The following ATXN1 variants were observed in gnomAD, a reference collection of about 807,000 sequenced individuals.
The protein encoded by ATXN1 is ataxin-1.
In ATXN1, 8 loss-of-function variants were observed where a neutral mutation model predicts 56.4. The observed-to-expected ratio is 0.14, with a 90% CI of 0.08 to 0.26. ATXN1 has a LOEUF of 0.26. Among genes scored for constraint, ATXN1 ranks in the 10% least tolerant of loss-of-function variants. ATXN1 has a pLI of 1.00. For synonymous variants in ATXN1, 514 were observed against 494.6 expected (o/e 1.04, Z -0.52); for missense variants, 987 against 1,106.5 (o/e 0.89, Z 1.53).
chr6:16,464,782 G>GTCA (rs1760069862), intron 6 of ATXN1, among the ~76,000 whole-genome samples: 1 of 151,844 alleles, frequency 6.6e-6, no homozygotes, highest in Non-Finnish European at 1.5e-5. Context: ...TTTGGGGATT[G>GTCA]GGAGGAACAA....
At chr6:16,552,802 T>A (rs1000776239) in intron 4 of ATXN1, among the ~76,000 whole-genome samples, 3 of 152,248 alleles carry the variant, frequency 2.0e-5, no homozygotes, top group Admixed American at 2.0e-4. Flanking sequence ...ATGTCAATGA[T>A]GTTCAGCTGC....
chr6:16,493,465 T>C (rs1393360741), intron 5 of ATXN1, among the ~76,000 whole-genome samples: 3 of 146,662 alleles, frequency 2.0e-5, no homozygotes, highest in Non-Finnish European at 4.5e-5. Context: ...TTTTTTTTTT[T>C]GGTTGTTTTG....
intron 4 of ATXN1, among the ~76,000 whole-genome samples, chr6:16,526,044 T>C (rs1336354533): frequency 1.1e-5 from 1 of 94,974 alleles, no homozygotes; most frequent in African/African-American, 6.1e-5. Flanking sequence ...AATAAATCTA[T>C]ATATATATAT....
intron 2 of ATXN1, among the ~76,000 whole-genome samples, chr6:16,694,091 G>T (rs985106963): frequency 4.6e-5 from 7 of 152,240 alleles, no homozygotes; most frequent in South Asian, 2.1e-4. Flanking sequence ...TGCTAAGAAT[G>T]AATTCAATTG....
intron 2 of ATXN1, among the ~76,000 whole-genome samples, chr6:16,679,050 G>T (rs1347068607): frequency 6.6e-6 from 1 of 151,424 alleles, no homozygotes; most frequent in Admixed American, 6.6e-5. Context: ...AAAAAAAAAA[G>T]AAAGGAGTGA....
intron 4 of ATXN1, among the ~76,000 whole-genome samples, chr6:16,579,522 C>T (rs1419503597): frequency 1.4e-5 from 2 of 139,116 alleles, no homozygotes; most frequent in Non-Finnish European, 1.5e-5. Flanking sequence ...AGTCCAAGGG[C>T]GTTTCACTTG....
At chr6:16,454,145 AAAAAAAAAAC>A (rs1759818262) in intron 6 of ATXN1, among the ~76,000 whole-genome samples, 1 of 124,310 alleles carries the variant, frequency 8.0e-6, no homozygotes, top group African/African-American at 2.6e-5. Flanking sequence ...AAAAAAAAAA[AAAAAAAAAAC>A]AGAAGAATTA....
chr6:16,647,359 C>T (rs1763817770), intron 3 of ATXN1, among the ~76,000 whole-genome samples: 1 of 152,156 alleles, frequency 6.6e-6, no homozygotes, highest in African/African-American at 2.4e-5. Context: ...GATTAAGTCA[C>T]TTGCTCAACA....
At chr6:16,698,939 A>G (rs1032447763) in intron 2 of ATXN1, among the ~76,000 whole-genome samples, 1 of 152,250 alleles carries the variant, frequency 6.6e-6, no homozygotes, top group East Asian at 1.9e-4. Flanking sequence ...CAACTAAGCT[A>G]ATTTTTTAAA....
chr6:16,328,368 G>A lies in ATXN1; in HGVS notation c.-58C>T. On this transcript the variant is annotated 5_prime_UTR_variant, in exon 7 of 8. Transcript: ENST00000436367. The surrounding 1 kb of genome is among the most constrained non-coding windows in gnomAD (Gnocchi z 6.2). ...CACTGTCTGGATGGCTCTGATTTTAGTCTGATAAACGGAAAGTCACATTTG... is the reference window on the plus strand; with the variant it reads ...CACTGTCTGGATGGCTCTGATTTTAATCTGATAAACGGAAAGTCACATTTG... 6.9e-7 allele frequency: 1 copy of A among 1,456,298 alleles called. No homozygotes were observed. The highest frequency in any genetic ancestry group is 9.0e-7 in the Non-Finnish European group (1 of 1,109,344). 90.2% of individuals were successfully genotyped at this position (1,456,298 alleles called of 1,614,324 possible). A position where few individuals can be genotyped will look rare whatever the true frequency, so the allele number is the denominator to read the frequency against.
intron 4 of ATXN1, among the ~76,000 whole-genome samples, chr6:16,555,740 A>G (rs1762001272): frequency 1.3e-5 from 2 of 152,230 alleles, no homozygotes; most frequent in South Asian, 4.1e-4. Flanking sequence ...AACAGGACGC[A>G]TCAGTTTCCC....
At chr6:16,445,680 C>A (rs1201477229) in intron 6 of ATXN1, among the ~76,000 whole-genome samples, 9 of 116,370 alleles carry the variant, frequency 7.7e-5, no homozygotes, top group Admixed American at 2.8e-4. Flanking sequence ...CCCCTCCCCC[C>A]ACCCCACAAC....
chr6:16,315,816 C>T (rs1416890935), intron 7 of ATXN1, among the ~76,000 whole-genome samples: 9 of 152,252 alleles, frequency 5.9e-5, no homozygotes, highest in African/African-American at 1.7e-4. Context: ...GCATGCACCA[C>T]CATGTCCAGC....
intron 7 of ATXN1, among the ~76,000 whole-genome samples, chr6:16,316,955 G>A (rs183105474): frequency 1.6e-4 from 24 of 146,384 alleles, no homozygotes; most frequent in African/African-American, 6.0e-4. Context: ...CTTTCTCCAG[G>A]GTGTGGCTTT....
intron 7 of ATXN1, among the ~76,000 whole-genome samples, chr6:16,313,470 G>T (rs1183885264): frequency 6.6e-6 from 1 of 152,104 alleles, no homozygotes; most frequent in Non-Finnish European, 1.5e-5. Context: ...ACCATAGCTA[G>T]AACAGCCTGC....
At chr6:16,594,451 C>T (rs1762778634) in intron 3 of ATXN1, among the ~76,000 whole-genome samples, 2 of 151,386 alleles carry the variant, frequency 1.3e-5, no homozygotes, top group African/African-American at 4.8e-5. Flanking sequence ...GTTGGTGTTA[C>T]AGGCTCAAAT....
Position 16,410,919 on chromosome 6 carries a change from G to A in ATXN1, c.-161+75053C>T, listed in dbSNP as rs551369993. 6.6e-6 allele frequency among the ~76,000 whole-genome samples: 1 copy of A among 152,254 alleles called. No homozygotes were observed. Among genetic ancestry groups the A allele is most frequent in the South Asian group, 2.1e-4 (1 of 4,822 alleles). On this transcript the variant is annotated intron_variant, in intron 6 of 7. Transcript: ENST00000436367. The surrounding 1 kb of genome is among the most constrained non-coding windows in gnomAD (Gnocchi z 4.6). Reference sequence around the variant, plus strand: ...GCAGGCGGATCACTTGAGGCCAGGAGTTTGAGACCATCCTGGCCAACATGC... The same window carrying A: ...GCAGGCGGATCACTTGAGGCCAGGAATTTGAGACCATCCTGGCCAACATGC...
intron 6 of ATXN1, among the ~76,000 whole-genome samples, chr6:16,442,703 G>A (rs2113600204): frequency 6.6e-6 from 1 of 152,248 alleles, no homozygotes; most frequent in South Asian, 2.1e-4. Context: ...CCATATTAAG[G>A]AATTATTCTA....
At chr6:16,499,884 C>T (rs537878353) in intron 5 of ATXN1, among the ~76,000 whole-genome samples, 2 of 152,328 alleles carry the variant, frequency 1.3e-5, no homozygotes, top group South Asian at 2.1e-4. Flanking sequence ...AACTTGGCTA[C>T]ACATTGTGAC....
Sources: allele counts gnomAD v4.1 joint callset (sites outside exome capture counted in the v4.1 genomes callset), GRCh38; gene constraint gnomAD v4.1.1; non-coding constraint Gnocchi (gnomAD v3.1); transcripts MANE v1.5; gene names NCBI Gene and HGNC (gene_info 2026-07-23, HGNC 2026-07-21).